The following OR51B5 variants were observed in gnomAD, a reference collection of about 807,000 sequenced individuals.
OR51B5 encodes the protein olfactory receptor 51B5.
For missense variants in OR51B5, 456 were observed against 374.6 expected, an observed-to-expected ratio of 1.22 and a Z score of -1.79; for synonymous variants, 186 against 144.8, an observed-to-expected ratio of 1.28 and a Z score of -2.04.
intron 1 of OR51B5, among the ~76,000 whole-genome samples, chr11:5,413,659 A>C (rs1456290004): frequency 6.6e-6 from 1 of 152,202 alleles, no homozygotes; most frequent in Admixed American, 6.5e-5. Flanking sequence ...GAGCCAATGC[A>C]ATCAACTGGA....
intron 1 of OR51B5, among the ~76,000 whole-genome samples, chr11:5,363,305 C>A (rs2647604): frequency 7.0e-6 from 1 of 142,404 alleles, no homozygotes; most frequent in Admixed American, 6.9e-5. Flanking sequence ...GGACAGACAT[C>A]GTTTTTCAAG....
chr11:5,381,823 T>A (rs1376382113), intron 1 of OR51B5, among the ~76,000 whole-genome samples: 2 of 152,204 alleles, frequency 1.3e-5, no homozygotes, highest in Non-Finnish European at 2.9e-5. Flanking sequence ...AACTGGTCCT[T>A]CAATTATATA....
At chr11:5,493,916 C>CAT (rs1327007336) in intron 1 of OR51B5, among the ~76,000 whole-genome samples, 4 of 152,086 alleles carry the variant, frequency 2.6e-5, no homozygotes, top group Non-Finnish European at 5.9e-5. Flanking sequence ...ATCATATATT[C>CAT]ATATATATTT....
At chr11:5,419,461 T>G (rs1219410240) in intron 1 of OR51B5, among the ~76,000 whole-genome samples, 1 of 152,222 alleles carries the variant, frequency 6.6e-6, no homozygotes, top group Non-Finnish European at 1.5e-5. Flanking sequence ...AACTTCCATC[T>G]ACACTGAACA....
At chr11:5,415,237 G>T (rs1343824488) in intron 1 of OR51B5, among the ~76,000 whole-genome samples, 13 of 150,692 alleles carry the variant, frequency 8.6e-5, no homozygotes. Context: ...CGAGAACAAA[G>T]ACACAACATA....
At chr11:5,368,056 C>A (rs2736551) in intron 1 of OR51B5, among the ~76,000 whole-genome samples, 2 of 151,978 alleles carry the variant, frequency 1.3e-5, no homozygotes, top group Non-Finnish European at 2.9e-5. Flanking sequence ...TCACTTGGTT[C>A]TTTGCTCCTA....
At chr11:5,472,288 C>T (rs946896860) in intron 1 of OR51B5, among the ~76,000 whole-genome samples, 3 of 152,100 alleles carry the variant, frequency 2.0e-5, no homozygotes, top group African/African-American at 7.2e-5. Context: ...GTCTCTCCTT[C>T]AAATCCCTGT....
At chr11:5,348,941 G>A (rs188312184) in intron 1 of OR51B5, among the ~76,000 whole-genome samples, 3 of 152,112 alleles carry the variant, frequency 2.0e-5, no homozygotes, top group African/African-American at 7.2e-5. Context: ...GTCAGGAAAA[G>A]TGAAGGAAAA....
At chr11:5,403,020 G>A (rs774677419) in intron 1 of OR51B5, 3 of 471,432 alleles carry the variant, frequency 6.4e-6, no homozygotes, top group African/African-American at 6.0e-5. Context: ...TCCTGACACT[G>A]CCCAGGGTCT....
intron 1 of OR51B5, chr11:5,385,459 G>A (rs1185188747): frequency 6.6e-6 from 1 of 151,968 alleles, no homozygotes; most frequent in African/African-American, 2.4e-5. Context: ...AGGATAAGAG[G>A]TGAGTACTTT....
At chr11:5,447,623 T>C (rs1299032235) in intron 1 of OR51B5, among the ~76,000 whole-genome samples, 1 of 152,194 alleles carries the variant, frequency 6.6e-6, no homozygotes, top group Non-Finnish European at 1.5e-5. Flanking sequence ...TTTTGTGATA[T>C]TGGGATTGAG....
intron 1 of OR51B5, among the ~76,000 whole-genome samples, chr11:5,389,109 G>C (rs7935524): frequency 6.6e-6 from 1 of 151,664 alleles, no homozygotes. Context: ...ATATGGCCAG[G>C]AAATTGCCAA....
intron 1 of OR51B5, among the ~76,000 whole-genome samples, chr11:5,438,865 C>T (rs946754585): frequency 2.0e-5 from 3 of 152,108 alleles, no homozygotes; most frequent in Admixed American, 6.5e-5. Flanking sequence ...CAGAGATAGA[C>T]GCAATCTGCA....
chr11:5,453,560 C>G lies in OR51B5; in HGVS notation n.84+52009G>C. 1 of 1,610,418 alleles carries G rather than the reference C, an allele frequency of 6.2e-7. No homozygotes were observed. Among genetic ancestry groups the G allele is most frequent in the Non-Finnish European group, 8.5e-7 (1 of 1,178,300 alleles). Reference sequence around the variant, plus strand: ...GTATCCCTGGTCTGGAGAGCTCTCACTCCTGGCTGTCAGGGCCCCTCTGCG... The same window carrying G: ...GTATCCCTGGTCTGGAGAGCTCTCAGTCCTGGCTGTCAGGGCCCCTCTGCG... On this transcript the variant is annotated intron_variant and non_coding_transcript_variant, in intron 1 of 4. Transcript: ENST00000415970.
intron 1 of OR51B5, among the ~76,000 whole-genome samples, chr11:5,373,350 C>T (rs1046674200): frequency 6.6e-6 from 1 of 152,090 alleles, no homozygotes; most frequent in Non-Finnish European, 1.5e-5. Flanking sequence ...GTTTTTGAGC[C>T]AAGATGGCCA....
intron 1 of OR51B5, among the ~76,000 whole-genome samples, chr11:5,378,160 A>G (rs1250825812): frequency 6.6e-6 from 1 of 151,880 alleles, no homozygotes; most frequent in South Asian, 2.1e-4. Context: ...AACGACGCAT[A>G]TCTACAACTA....
intron 1 of OR51B5, among the ~76,000 whole-genome samples, chr11:5,487,846 T>G (rs1047396441): frequency 3.3e-5 from 5 of 152,162 alleles, no homozygotes; most frequent in Admixed American, 6.5e-5. Context: ...GCATATCTGA[T>G]TTACCTCACA....
intron 1 of OR51B5, among the ~76,000 whole-genome samples, chr11:5,462,982 T>C (rs987692596): frequency 5.9e-5 from 9 of 152,206 alleles, no homozygotes; most frequent in South Asian, 2.1e-4. Flanking sequence ...CTGCAGGGAA[T>C]AGGAGGACTA....
intron 1 of OR51B5, among the ~76,000 whole-genome samples, chr11:5,443,523 T>A (rs911686761): frequency 6.6e-6 from 1 of 151,830 alleles, no homozygotes; most frequent in African/African-American, 2.4e-5. Context: ...TTTTTTTTTT[T>A]CTTTACCTTT....
Sources: allele counts gnomAD v4.1 joint callset (sites outside exome capture counted in the v4.1 genomes callset), GRCh38; gene constraint gnomAD v4.1.1; transcripts MANE v1.5; gene names NCBI Gene and HGNC (gene_info 2026-07-23, HGNC 2026-07-21).